MAGI1: variants seen among roughly 807,000 people sequenced by gnomAD.
MAGI1 encodes membrane associated guanylate kinase, WW and PDZ domain containing 1.
Under a neutral mutation model 139.9 loss-of-function variants are expected in MAGI1, and 58 were observed. That is an observed-to-expected ratio of 0.41 (90% CI 0.34 to 0.52). The LOEUF (loss-of-function observed/expected upper bound fraction) is 0.52, where lower values mean the gene tolerates loss of function less well. Among genes scored for constraint, MAGI1 ranks in the 20% least tolerant of loss-of-function variants. MAGI1 has a pLI of 0.12. For missense variants in MAGI1, 1,874 were observed against 1,901.6 expected (o/e 0.99, Z 0.27); for synonymous variants, 812 against 737.9 (o/e 1.10, Z -1.63).
At chr3:65,833,873 T>A (rs901667837) in intron 1 of MAGI1, among the ~76,000 whole-genome samples, 3 of 152,234 alleles carry the variant, frequency 2.0e-5, no homozygotes, top group Non-Finnish European at 4.4e-5. Flanking sequence ...TTCATTTGCA[T>A]GCAGGAAAAA....
At chr3:65,422,924 A>G (rs375930048) in intron 12 of MAGI1, among the ~76,000 whole-genome samples, 2 of 152,222 alleles carry the variant, frequency 1.3e-5, no homozygotes, top group South Asian at 2.1e-4. Context: ...TTCTGACATG[A>G]GGAACTGCCT....
At chr3:65,399,922 A>G (rs1381601674) in intron 13 of MAGI1, among the ~76,000 whole-genome samples, 1 of 152,102 alleles carries the variant, frequency 6.6e-6, no homozygotes. Context: ...CAAAACTACT[A>G]TGTCTCCCTC....
rs571326635 is a variant in MAGI1, at chr3:66,025,729, C to T, written c.313+12267G>A. Among the ~76,000 whole-genome samples, 20 of 151,960 alleles carry T rather than the reference C, an allele frequency of 1.3e-4. No individual in the cohort carries two copies. The South Asian group carries it at 2.9e-3, about 22-fold the overall frequency. On this transcript the variant is annotated intron_variant, in intron 1 of 22. Transcript: ENST00000402939. ...GTGTGTCTGTGTGTGTGTATGTGTA[C>T]GTCTGGATAAAAATAGTGTTAACAC...
chr3:65,665,231 A>G (rs1207258775), intron 1 of MAGI1, among the ~76,000 whole-genome samples: 1 of 152,224 alleles, frequency 6.6e-6, no homozygotes, highest in Non-Finnish European at 1.5e-5. Context: ...CATGAGTTAC[A>G]GGGCTCTTAG....
intron 1 of MAGI1, among the ~76,000 whole-genome samples, chr3:65,921,310 T>A (rs1409894521): frequency 1.2e-5 from 1 of 86,106 alleles, no homozygotes; most frequent in African/African-American, 4.7e-5. Flanking sequence ...TGACGTATAA[T>A]TTTTTTTTTT....
intron 2 of MAGI1, among the ~76,000 whole-genome samples, chr3:65,605,925 G>C (rs2082717946): frequency 6.6e-6 from 1 of 152,032 alleles, no homozygotes; most frequent in Non-Finnish European, 1.5e-5. Context: ...CTTTGTGCAG[G>C]GTAGTTACAT....
At chr3:65,922,076 CCAT>C (rs1030353330) in intron 1 of MAGI1, among the ~76,000 whole-genome samples, 9 of 152,168 alleles carry the variant, frequency 5.9e-5, no homozygotes, top group African/African-American at 2.4e-5. Flanking sequence ...TGGTTTATCT[CCAT>C]CACTCATTTA....
chr3:65,683,932 A>C (rs2107526354), intron 1 of MAGI1, among the ~76,000 whole-genome samples: 1 of 151,594 alleles, frequency 6.6e-6, no homozygotes, highest in East Asian at 1.9e-4. Flanking sequence ...TGGGAGGCCA[A>C]GAAAGGTGGA....
intron 1 of MAGI1, among the ~76,000 whole-genome samples, chr3:65,818,418 G>C (rs754789979): frequency 2.0e-5 from 3 of 152,340 alleles, no homozygotes; most frequent in East Asian, 1.9e-4. Context: ...GTGTTAAAGA[G>C]AGTAAGCACA....
At chr3:65,785,989 T>A (rs1346989437) in intron 1 of MAGI1, among the ~76,000 whole-genome samples, 1 of 151,354 alleles carries the variant, frequency 6.6e-6, no homozygotes, top group East Asian at 2.0e-4. Flanking sequence ...CAGGCTGGAG[T>A]GCAGTGGTGC....
At chr3:65,975,715 T>A (rs1048747536) in intron 1 of MAGI1, among the ~76,000 whole-genome samples, 35 of 152,172 alleles carry the variant, frequency 2.3e-4, no homozygotes, top group African/African-American at 8.2e-4. Context: ...TTACACTGAT[T>A]TCTCTCTAGT....
At chr3:65,998,019 C>G (rs2066545349) in intron 1 of MAGI1, among the ~76,000 whole-genome samples, 1 of 150,736 alleles carries the variant, frequency 6.6e-6, no homozygotes, top group African/African-American at 2.4e-5. Context: ...TGGAGAAACG[C>G]TTGAACCCGG....
At chr3:65,998,047 G>A (rs1441871698) in intron 1 of MAGI1, among the ~76,000 whole-genome samples, 1 of 150,532 alleles carries the variant, frequency 6.6e-6, no homozygotes, top group Non-Finnish European at 1.5e-5. Context: ...AGGTTGCAGT[G>A]AGCCAAGATT....
At chr3:65,482,491 C>G (rs936238004) in intron 3 of MAGI1, among the ~76,000 whole-genome samples, 5 of 152,200 alleles carry the variant, frequency 3.3e-5, no homozygotes, top group African/African-American at 1.2e-4. Flanking sequence ...TTCTAACACT[C>G]AGTCTCTCTA....
intron 2 of MAGI1, among the ~76,000 whole-genome samples, chr3:65,524,256 T>G (rs1302150939): frequency 6.6e-6 from 1 of 152,190 alleles, no homozygotes; most frequent in East Asian, 1.9e-4. Flanking sequence ...ATCTGATGCA[T>G]TCTATCTGGA....
chr3:65,509,350 G>C, intron 2 of MAGI1, among the ~76,000 whole-genome samples: 1 of 152,212 alleles, frequency 6.6e-6, no homozygotes, highest in Middle Eastern at 3.2e-3. Flanking sequence ...CCCAGCGTGA[G>C]CGACGCAGAA....
intron 1 of MAGI1, among the ~76,000 whole-genome samples, chr3:65,665,612 A>T (rs982130064): frequency 2.6e-5 from 4 of 152,214 alleles, no homozygotes; most frequent in Non-Finnish European, 5.9e-5. Flanking sequence ...GTTCACAGGA[A>T]CCTAATCCTG....
intron 1 of MAGI1, among the ~76,000 whole-genome samples, chr3:65,659,812 C>T (rs929995264): frequency 6.6e-6 from 1 of 152,160 alleles, no homozygotes; most frequent in African/African-American, 2.4e-5. Flanking sequence ...CTCCTCCAAA[C>T]CAAAACCACT....
intron 18 of MAGI1, among the ~76,000 whole-genome samples, chr3:65,374,774 A>G (rs528698280): frequency 3.9e-5 from 6 of 152,338 alleles, no homozygotes; most frequent in Non-Finnish European, 8.8e-5. Context: ...GACAATGCCA[A>G]TGTTCCCTGG....
Sources: gnomAD v4.1 joint callset for allele counts (sites outside exome capture counted in the v4.1 genomes callset) on GRCh38, gnomAD v4.1.1 for gene constraint, MANE v1.5 for transcripts, NCBI Gene and HGNC (gene_info 2026-07-23, HGNC 2026-07-21) for gene names.